CHD1: variants seen among roughly 807,000 people sequenced by gnomAD.
CHD1 encodes ATP-dependent chromatin remodeler CHD1.
A neutral mutation model predicts 224.2 loss-of-function variants in CHD1; 36 were observed. The observed-to-expected ratio is 0.16, with a 90% CI of 0.12 to 0.21. The LOEUF (loss-of-function observed/expected upper bound fraction) is 0.21. Ranked by LOEUF, CHD1 falls within the 10% of genes least tolerant of loss-of-function variation. The pLI, the probability that CHD1 is intolerant of heterozygous loss-of-function variation, is 1.00. For synonymous variants in CHD1, 668 were observed against 658.3 expected (o/e 1.01, Z -0.23); for missense variants, 1,378 against 1,994.8 (o/e 0.69, Z 5.89).
At chr5:98,869,327 G>T (rs756336779) in intron 30 of CHD1, 30 of 927,876 alleles carry the variant, frequency 3.2e-5, no homozygotes, top group Non-Finnish European at 3.9e-5. Context: ...TTTTAACAAC[G>T]ACTAATTTTT....
Position 98,898,451 on chromosome 5 carries a change from C to A in CHD1, c.1187-17G>T. The A allele has an allele frequency of 1.3e-6, 2 of 1,525,064 alleles. No homozygotes were observed. The highest frequency in any genetic ancestry group is 1.3e-5 in the South Asian group (1 of 75,826). 94.5% of individuals were successfully genotyped at this position (1,525,064 alleles called of 1,614,324 possible). The stretch of plus-strand genomic sequence containing the variant: ...TGGAATGAGCTGTGAGAGAATCAGG[C>A]ATTTACTTATTTATTTATTTTTTTT... On this transcript the variant is annotated splice_polypyrimidine_tract_variant and intron_variant, in intron 9 of 35. Coordinates refer to ENST00000614616, the MANE Select transcript of CHD1 (RefSeq NM_001270.4).
intron 3 of CHD1, among the ~76,000 whole-genome samples, chr5:98,904,237 C>T (rs927344008): frequency 2.6e-5 from 4 of 152,104 alleles, no homozygotes; most frequent in African/African-American, 7.2e-5. Context: ...TCAGAATATA[C>T]GTCAACGATG....
At chr5:98,874,839 T>C (rs1053506028) in intron 25 of CHD1, among the ~76,000 whole-genome samples, 1 of 152,148 alleles carries the variant, frequency 6.6e-6, no homozygotes, top group African/African-American at 2.4e-5. Context: ...GTCATAAAAG[T>C]GCAATTTAAA....
At chr5:98,901,526 C>A (rs1308795747) in intron 5 of CHD1, among the ~76,000 whole-genome samples, 191 bp from the exon 6 acceptor site, 1 of 152,072 alleles carries the variant, frequency 6.6e-6, no homozygotes, top group Non-Finnish European at 1.5e-5. Flanking sequence ...TCTCTCACAA[C>A]TCTAGTTTTG....
chr5:98,870,688 G>A lies in CHD1; in HGVS notation c.3977C>T (p.Ala1326Val), dbSNP rs200542776. The A allele has an allele frequency of 2.3e-5, 36 of 1,573,842 alleles. No individual in the cohort carries two copies. Among genetic ancestry groups the A allele is most frequent in the Non-Finnish European group, 2.5e-5 (29 of 1,155,234 alleles). ...TTAGGCATGTGGGCTTTAACTTACC[G>A]CACCAGAAAGAGCTTCTTTTTTTGC... Reference protein sequence around the residue: ...DLAKKEALSGAGSSKRRKARA... With the variant: ...DLAKKEALSGVGSSKRRKARA... The change falls in exon 29 of 36, where the codon GCG becomes GTG. Residue 1326 changes from alanine (A) to valine (V), a missense_variant and splice_region_variant. This residue lies in a region of CHD1 where 105 missense variants were observed against 93.4 expected (regional missense o/e 1.12). Transcript: ENST00000614616.
intron 35 of CHD1, among the ~76,000 whole-genome samples, chr5:98,857,391 C>G (rs964803061): frequency 6.6e-6 from 1 of 152,056 alleles, no homozygotes; most frequent in African/African-American, 2.4e-5. Flanking sequence ...TACTATAAAT[C>G]TGCCTTTTCC....
At chr5:98,898,900 A>G in intron 8 of CHD1, 136 bp from the exon 9 acceptor site, 1 of 623,934 alleles carries the variant, frequency 1.6e-6, no homozygotes, top group Non-Finnish European at 2.9e-6. Context: ...TAATAAAGAA[A>G]CTCAAACAGG....
intron 13 of CHD1, among the ~76,000 whole-genome samples, chr5:98,893,880 AT>A (rs1485527943): frequency 6.6e-6 from 1 of 152,164 alleles, no homozygotes; most frequent in Non-Finnish European, 1.5e-5. Flanking sequence ...CAGCAGTGTC[AT>A]TTAAAATTTT....
chr5:98,880,083 A>T (rs767009113), intron 22 of CHD1, among the ~76,000 whole-genome samples: 8 of 152,248 alleles, frequency 5.3e-5, no homozygotes, highest in Non-Finnish European at 8.8e-5. Flanking sequence ...AGTATTGTAG[A>T]ACAATCTAAT....
At chr5:98,923,332 C>T (rs1012181507) in intron 2 of CHD1, among the ~76,000 whole-genome samples, 1 of 151,946 alleles carries the variant, frequency 6.6e-6, no homozygotes, top group Non-Finnish European at 1.5e-5. Context: ...TTAACAACTC[C>T]GAATAATTAA....
rs117680636 is a variant in CHD1 at position 98,858,054 on chromosome 5, C to T, written c.4787+126G>A. 2.0e-5 allele frequency: 14 copies of T among 683,204 alleles called. No individual in the cohort carries two copies. In the East Asian group the frequency reaches 3.3e-4, roughly 16 times the overall value. 42.3% of individuals were successfully genotyped at this position (683,204 alleles called of 1,614,324 possible). ...CATTTTTCTTAATTATATACAACACCTTTATTTCACAAGATTTGTTTTGAC... is the reference window on the plus strand; with the variant it reads ...CATTTTTCTTAATTATATACAACACTTTTATTTCACAAGATTTGTTTTGAC... On this transcript the variant is annotated intron_variant, in intron 35 of 35. Coordinates refer to ENST00000614616, the MANE Select transcript of CHD1 (RefSeq NM_001270.4).
chr5:98,911,908 G>A (rs929668859), intron 2 of CHD1, among the ~76,000 whole-genome samples: 1 of 152,156 alleles, frequency 6.6e-6, no homozygotes, highest in African/African-American at 2.4e-5. Context: ...ACGGAAAGAT[G>A]ATTGACCAAA....
intron 15 of CHD1, among the ~76,000 whole-genome samples, chr5:98,891,639 T>C (rs1751025867): frequency 6.6e-6 from 1 of 151,960 alleles, no homozygotes; most frequent in African/African-American, 2.4e-5. Flanking sequence ...GGCAAAACCC[T>C]GTCTCTACTA....
At chr5:98,896,151 T>C (rs777992522) in intron 12 of CHD1, 75 bp downstream of exon 12, 3 of 1,296,734 alleles carry the variant, frequency 2.3e-6, no homozygotes, top group Non-Finnish European at 3.3e-6. Flanking sequence ...TGAAACCCCA[T>C]CTCAAAACAA....
chr5:98,883,040 A>G, intron 19 of CHD1, 48 bp downstream of exon 19: 1 of 1,215,216 alleles, frequency 8.2e-7, no homozygotes, highest in Non-Finnish European at 1.1e-6. Context: ...CAAAAAAAAA[A>G]AAAGAATTCT....
intron 34 of CHD1, chr5:98,858,684 T>C (rs931855730): frequency 4.8e-6 from 2 of 415,752 alleles, no homozygotes; most frequent in African/African-American, 2.1e-5. Context: ...CCAAATTACA[T>C]AAAAAAGAAT....
intron 18 of CHD1, chr5:98,883,853 ATATATATATTTTTTTTTT>A (rs1750409959): frequency 3.0e-5 from 1 of 33,680 alleles, no homozygotes; most frequent in Admixed American, 5.6e-4. Context: ...ATATATATAT[ATATATATATTTTTTTTTT>A]TTTTTTTTTT....
At chr5:98,863,642 A>G in intron 31 of CHD1, 56 bp from the exon 32 acceptor site, 1 of 1,166,650 alleles carries the variant, frequency 8.6e-7, no homozygotes, top group African/African-American at 1.6e-5. Context: ...TAAATTCAAC[A>G]AGGTCTACCT....
intron 23 of CHD1, among the ~76,000 whole-genome samples, chr5:98,878,250 A>T (rs1212656553): frequency 1.3e-5 from 2 of 152,264 alleles, no homozygotes; most frequent in Non-Finnish European, 2.9e-5. Flanking sequence ...CCTTGGAGAA[A>T]GTGAGCAGTC....
Sources: allele counts gnomAD v4.1 joint callset (sites outside exome capture counted in the v4.1 genomes callset), GRCh38; gene constraint gnomAD v4.1.1; regional missense constraint gnomAD v4.1.1; transcripts MANE v1.5; gene names NCBI Gene and HGNC (gene_info 2026-07-23, HGNC 2026-07-21).